Variants in PIWIL1 observed in about 807,000 individuals in gnomAD.
PIWIL1 encodes the protein piwi-like protein 1.
PIWIL1 carries 73 observed loss-of-function variants against 114.4 expected under a neutral mutation model. That is an observed-to-expected ratio of 0.64 (90% CI 0.53 to 0.78). The LOEUF is 0.78. Ranked by LOEUF, PIWIL1 falls within the 30% of genes least tolerant of loss-of-function variation. The probability of loss-of-function intolerance (pLI) is 0.00; values close to 1 mark genes in which losing one functional copy is unlikely to be tolerated. For synonymous variants in PIWIL1, 375 were observed against 369.0 expected (o/e 1.02, Z -0.19); for missense variants, 723 against 1,063.1 (o/e 0.68, Z 4.45).
At chr12:130,391,756 C>A in the PIWIL1 span, among the ~76,000 whole-genome samples, 1 of 150,728 alleles carries the variant, frequency 6.6e-6, no homozygotes, top group Non-Finnish European at 1.5e-5. Context: ...GGAGAAGGGC[C>A]AGAGAGGGGT....
At chr12:130,414,263 C>T in the PIWIL1 span, 7 of 1,612,496 alleles carry the variant, frequency 4.3e-6, no homozygotes, top group East Asian at 1.3e-4. Flanking sequence ...CAGTTTCTGA[C>T]TCTTCATAGA....
At position 130,371,757 on chromosome 12, in the gene PIWIL1, T is replaced by A; in HGVS notation, c.*159T>A. On this transcript the variant is annotated 3_prime_UTR_variant, in exon 21 of 21. Coordinates refer to ENST00000245255, the MANE Select transcript of PIWIL1 (RefSeq NM_004764.5). ...ATTTCTAGCATTGCTATTCACCGGC[T>A]TCCTTATTTTATACGTAAAAATTAA... The A allele has an allele frequency of 2.2e-6, 1 of 455,248 alleles. No homozygotes were observed. The allele number at this position is 455,248 out of a possible 1,614,324, so 28.2% of individuals were successfully genotyped here.
chr12:130,347,213 G>A (rs957222646), intron 6 of PIWIL1, 151 bp downstream of exon 6: 2 of 635,422 alleles, frequency 3.1e-6, no homozygotes, highest in Non-Finnish European at 5.4e-6. Context: ...GTGGTTTACT[G>A]ATAGAAAATT....
intron 14 of PIWIL1, 33 bp downstream of exon 14, chr12:130,357,586 G>A (rs745895105): frequency 9.8e-5 from 141 of 1,440,300 alleles, no homozygotes; most frequent in Non-Finnish European, 1.2e-4. Context: ...GGCAGTTTTC[G>A]GTGAAAGAGC....
chr12:130,340,032 A>T (rs2072860044), intron 1 of PIWIL1, among the ~76,000 whole-genome samples: 1 of 152,186 alleles, frequency 6.6e-6, no homozygotes, highest in African/African-American at 2.4e-5. Context: ...TAGTTGGAGA[A>T]GCTATGGAGT....
At chr12:130,382,640 T>C in the PIWIL1 span, among the ~76,000 whole-genome samples, 1 of 152,242 alleles carries the variant, frequency 6.6e-6, no homozygotes, top group Non-Finnish European at 1.5e-5. Context: ...TTTCAGGAAT[T>C]CTCAGTAAAT....
intron 9 of PIWIL1, 90 bp from the exon 10 acceptor site, chr12:130,354,447 T>G: frequency 6.5e-7 from 1 of 1,542,222 alleles, no homozygotes; most frequent in Non-Finnish European, 8.9e-7. Flanking sequence ...ATCAGCTCTT[T>G]ATTTTTTTAA....
Position 130,342,632 on chromosome 12 carries a change from G to T in PIWIL1, c.41G>T (p.Arg14Leu), listed in dbSNP as rs1264427817. Reference sequence around the variant, plus strand: ...CGAGCCAGAGCCAGAGGAAGGGCCCGCGGTCAGGAGACAGCGCAGCTGGTG... The same window carrying T: ...CGAGCCAGAGCCAGAGGAAGGGCCCTCGGTCAGGAGACAGCGCAGCTGGTG... ...RARARARGRA[R>L]GQETAQLVGS... The change falls in exon 2 of 21, where the codon CGC (arginine) becomes CTC (leucine). Residue 14 changes from arginine to leucine, a missense_variant. Coordinates refer to ENST00000245255, the MANE Select transcript of PIWIL1 (RefSeq NM_004764.5). 1 of 1,613,938 alleles carries T rather than the reference G, an allele frequency of 6.2e-7. No individual in the cohort carries two copies. Among genetic ancestry groups the T allele is most frequent in the East Asian group, 2.2e-5 (1 of 44,878 alleles).
At chr12:130,377,850 C>T in the PIWIL1 span, among the ~76,000 whole-genome samples, 1 of 152,212 alleles carries the variant, frequency 6.6e-6, no homozygotes. Flanking sequence ...TCGCTCTCAC[C>T]TTCCATCGGA....
At position 130,367,208 on chromosome 12, in the gene PIWIL1, G is replaced by C; in HGVS notation, c.2271G>C (p.Gln757His). The C allele has an allele frequency of 1.2e-6, 2 of 1,614,142 alleles. No individual in the cohort carries two copies. The part of the protein sequence containing the change: ...RFFAQSGGRL[Q>H]NPLPGTVIDV... ...TTGCTCAGTCTGGAGGAAGACTTCA[G>C]AATCCACTTCCTGGAACAGTTATTG... Residue 757 changes from glutamine (Q) to histidine (H), a missense_variant, in exon 19 of 21, where the codon CAG (glutamine) becomes CAC (histidine). By Grantham distance (24) the Gln-to-His change is conservative. Coordinates refer to ENST00000245255, the MANE Select transcript of PIWIL1 (RefSeq NM_004764.5).
At chr12:130,424,874 G>A in the PIWIL1 span, 3 of 1,223,600 alleles carry the variant, frequency 2.5e-6, no homozygotes, top group Non-Finnish European at 1.0e-6. The surrounding 1 kb of genome is among the most constrained non-coding windows in gnomAD (Gnocchi z 9.8). Context: ...GGGGTGGTGT[G>A]TCAAGAACAG....
chr12:130,361,078 C>T lies in PIWIL1; in HGVS notation c.1666-102C>T, dbSNP rs924166. The T allele has an allele frequency of 0.02, 18,666 of 914,044 alleles. 2,255 individuals carry two copies. In the African/African-American group the frequency reaches 0.27, roughly 13 times the overall value. 56.6% of individuals were successfully genotyped at this position (914,044 alleles called of 1,614,324 possible). A position where few individuals can be genotyped will look rare whatever the true frequency, so the allele number is the denominator to read the frequency against. On this transcript the variant is annotated intron_variant, in intron 14 of 20. Coordinates refer to ENST00000245255, the MANE Select transcript of PIWIL1 (RefSeq NM_004764.5). Reference sequence around the variant, plus strand: ...GAATAGTAAAATAAATGATCATGTTCTTGACATTGATACTTCACAGGTGAG... The same window carrying T: ...GAATAGTAAAATAAATGATCATGTTTTTGACATTGATACTTCACAGGTGAG...
At chr12:130,414,108 A>T in the PIWIL1 span, 3 of 1,613,726 alleles carry the variant, frequency 1.9e-6, no homozygotes, top group Non-Finnish European at 2.5e-6. Context: ...AGCCGCCCGC[A>T]GGCAGCCATC....
chr12:130,371,330 G>A lies in PIWIL1; in HGVS notation c.2469+7G>A. ...CATCTATTACAACTGGCCAGTAAGT[G>A]CTTCTACTTGTTGATGTTTAGCAAA... is the stretch of plus-strand genomic sequence containing the variant. On this transcript the variant is annotated splice_region_variant and intron_variant, in intron 20 of 20. Coordinates refer to ENST00000245255, the MANE Select transcript of PIWIL1 (RefSeq NM_004764.5). The A allele has an allele frequency of 1.2e-6, 2 of 1,613,952 alleles. No individual in the cohort carries two copies. The highest frequency in any genetic ancestry group is 8.5e-7 in the Non-Finnish European group (1 of 1,179,976).
chr12:130,407,722 G>A, the PIWIL1 span: 1 of 1,611,366 alleles, frequency 6.2e-7, no homozygotes, highest in Non-Finnish European at 8.5e-7. Context: ...TGTTTGGCTG[G>A]TACCTCGACA....
intron 18 of PIWIL1, 106 bp from the exon 19 acceptor site, chr12:130,367,027 A>T (rs2073678797): frequency 3.8e-6 from 5 of 1,300,042 alleles, no homozygotes; most frequent in Non-Finnish European, 5.5e-6. Context: ...GATACGCCCC[A>T]GGAGGGATGT....
the PIWIL1 span, among the ~76,000 whole-genome samples, chr12:130,417,170 G>A: frequency 6.6e-6 from 1 of 152,142 alleles, no homozygotes; most frequent in Non-Finnish European, 1.5e-5. Flanking sequence ...CAGCCACTGT[G>A]GAAAGCAGTT....
chr12:130,387,842 G>A, the PIWIL1 span, among the ~76,000 whole-genome samples: 1 of 152,216 alleles, frequency 6.6e-6, no homozygotes, highest in Non-Finnish European at 1.5e-5. Flanking sequence ...TTTTTAGTTG[G>A]TTTTGAACTT....
At chr12:130,387,738 C>A in the PIWIL1 span, among the ~76,000 whole-genome samples, 217 of 152,172 alleles carry the variant, frequency 1.4e-3, 1 homozygote, top group African/African-American at 5.2e-3. Flanking sequence ...CCTGACCTCT[C>A]TGCTGCCAAA....
Sources: gnomAD v4.1 joint callset for allele counts (sites outside exome capture counted in the v4.1 genomes callset) on GRCh38, gnomAD v4.1.1 for gene constraint, Gnocchi (gnomAD v3.1) non-coding constraint, MANE v1.5 for transcripts, NCBI Gene and HGNC (gene_info 2026-07-23, HGNC 2026-07-21) for gene names.